The following DZIP3 variants were observed in gnomAD, a reference collection of about 807,000 sequenced individuals.
DZIP3 encodes the protein DAZ interacting zinc finger protein 3.
Under a neutral mutation model 162.0 loss-of-function variants are expected in DZIP3, and 118 were observed. That is an observed-to-expected ratio of 0.73 (90% CI 0.63 to 0.85). The LOEUF is 0.85. Ranked by LOEUF, DZIP3 falls within the 40% of genes least tolerant of loss-of-function variation. DZIP3 has a pLI of 0.00. For synonymous variants in DZIP3, 438 were observed against 458.6 expected, an observed-to-expected ratio of 0.96 and a Z score of 0.57; for missense variants, 1,331 against 1,407.0, an observed-to-expected ratio of 0.95 and a Z score of 0.86.
At chr3:108,676,421 T>A (rs1034329260) in intron 25 of DZIP3, among the ~76,000 whole-genome samples, 4 of 152,082 alleles carry the variant, frequency 2.6e-5, no homozygotes, top group African/African-American at 9.7e-5. Flanking sequence ...TCAATCTAAC[T>A]TTTTATGTAA....
At chr3:108,619,902 T>TA (rs60881465) in intron 5 of DZIP3, among the ~76,000 whole-genome samples, 23,397 of 142,394 alleles carry the variant, frequency 0.16, 2,130 homozygotes, top group Non-Finnish European at 0.23. Flanking sequence ...CAGAACATAT[T>TA]AAAAAAAAAA....
intron 4 of DZIP3, among the ~76,000 whole-genome samples, chr3:108,612,239 C>G (rs532706063): frequency 6.6e-6 from 1 of 152,112 alleles, no homozygotes; most frequent in African/African-American, 2.4e-5. Flanking sequence ...CTTGAGAAGG[C>G]TACATTTGTC....
At chr3:108,631,604 T>C (rs1429717653) in intron 8 of DZIP3, among the ~76,000 whole-genome samples, 1 of 143,718 alleles carries the variant, frequency 7.0e-6, no homozygotes, top group African/African-American at 2.6e-5. Context: ...TTTTTTTTTT[T>C]TAGTAAAGAC....
chr3:108,646,526 C>T, intron 14 of DZIP3, 91 bp from the exon 15 acceptor site: 1 of 876,764 alleles, frequency 1.1e-6, no homozygotes, highest in Admixed American at 2.1e-5. Context: ...TAAATTGGTG[C>T]AATATAAAAA....
At chr3:108,680,590 G>T (rs967150336) in intron 26 of DZIP3, among the ~76,000 whole-genome samples, 14 of 152,036 alleles carry the variant, frequency 9.2e-5, no homozygotes, top group African/African-American at 3.1e-4. Flanking sequence ...GGAGGAGAAA[G>T]ATCACTACAC....
Position 108,632,953 on chromosome 3 carries a change from G to A in DZIP3, c.697G>A (p.Asp233Asn). 1 of 1,379,170 alleles carries A rather than the reference G, an allele frequency of 7.3e-7. No individual in the cohort carries two copies. Among genetic ancestry groups the A allele is most frequent in the South Asian group, 1.6e-5 (1 of 61,474 alleles). 85.4% of individuals were successfully genotyped at this position (1,379,170 alleles called of 1,614,324 possible). A position where few individuals can be genotyped will look rare whatever the true frequency, so the allele number is the denominator to read the frequency against. Reference protein sequence around the residue: ...EDEDLPTTFKDLLNNFIKTTE... With the variant: ...EDEDLPTTFKNLLNNFIKTTE... ...AATTCTTTCTGTTTTTAAAATCTAGGATCTTCTTAATAATTTTATCAAGAC... is the reference window on the plus strand; with the variant it reads ...AATTCTTTCTGTTTTTAAAATCTAGAATCTTCTTAATAATTTTATCAAGAC... Residue 233 changes from aspartate to asparagine, a missense_variant and splice_region_variant, in exon 9 of 33, where the codon GAT becomes AAT. Asp to Asn is a conservative substitution (Grantham distance 23). Coordinates refer to ENST00000361582, the MANE Select transcript of DZIP3 (RefSeq NM_014648.4).
At chr3:108,598,812 C>T (rs1939840630) in intron 1 of DZIP3, among the ~76,000 whole-genome samples, 1 of 152,162 alleles carries the variant, frequency 6.6e-6, no homozygotes, top group African/African-American at 2.4e-5. Context: ...GTAGCATATG[C>T]TTCTTCCAGT....
rs1201996068 is a variant in DZIP3, at chr3:108,659,690, G to A, written c.2200-2187G>A. 8.6e-5 allele frequency among the ~76,000 whole-genome samples: 13 copies of A among 150,504 alleles called. 1 individual carries two copies. Among genetic ancestry groups the A allele is most frequent in the Admixed American group, 6.7e-4 (10 of 14,998 alleles). ...GGGTATTCAATTAGGAAAAGAGGAA[G>A]TCAAATTGTCCCTGTTTGCAGATGA... On this transcript the variant is annotated intron_variant, in intron 19 of 32. Transcript: ENST00000361582.
intron 1 of DZIP3, among the ~76,000 whole-genome samples, chr3:108,591,452 T>A (rs1288904681): frequency 6.6e-6 from 1 of 152,240 alleles, no homozygotes; most frequent in Admixed American, 6.5e-5. Flanking sequence ...CCCAGGGTAA[T>A]GCGCAAAGCT....
At chr3:108,648,183 C>A in intron 16 of DZIP3, 71 bp downstream of exon 16, 1 of 1,364,622 alleles carries the variant, frequency 7.3e-7, no homozygotes, top group Non-Finnish European at 9.8e-7. Context: ...ATGTGCTGTA[C>A]TTAAAGCATC....
chr3:108,680,391 A>T (rs1024041455), intron 26 of DZIP3, among the ~76,000 whole-genome samples: 1 of 152,102 alleles, frequency 6.6e-6, no homozygotes, highest in African/African-American at 2.4e-5. Context: ...ATATATAGAA[A>T]ATCGCAAAGA....
Position 108,682,945 on chromosome 3 carries a change from G to T in DZIP3, c.2884-1271G>T, listed in dbSNP as rs147696689. Among the ~76,000 whole-genome samples the T allele has an allele frequency of 3.5e-3, 535 of 150,814 alleles. 3 individuals carry two copies. The highest frequency in any genetic ancestry group is 0.01 in the Middle Eastern group (3 of 294). ...GTAATAGTGGTTCTCAAACAGAGCA[G>T]GACTGTTGACTCAGTACCCACCATT... On this transcript the variant is annotated intron_variant, in intron 26 of 32. Coordinates refer to ENST00000361582, the MANE Select transcript of DZIP3 (RefSeq NM_014648.4).
In DZIP3 at chr3:108,677,543, T is replaced by G; in HGVS notation, c.2828T>G (p.Leu943Trp). ...AACAAAGTCAAGCAAGGATTTGCCT[T>G]GAGTACCTTGCCTCCAGTCCAGCTT... ...QINKVKQGFA[L>W]STLPPVQLPP... Residue 943 changes from leucine to tryptophan, a missense_variant, in exon 26 of 33, where the codon TTG becomes TGG. By Grantham distance (61) the Leu-to-Trp change is moderately conservative (BLOSUM62 -2). Around this residue, in one of 2 missense-constraint regions of DZIP3, gnomAD observed 1,278 missense variants for 1,317.1 expected, o/e 0.97. Transcript: ENST00000361582. The G allele has an allele frequency of 6.2e-7, 1 of 1,612,800 alleles. No individual in the cohort carries two copies. The highest frequency in any genetic ancestry group is 8.5e-7 in the Non-Finnish European group (1 of 1,179,064).
intron 1 of DZIP3, among the ~76,000 whole-genome samples, chr3:108,602,179 G>A (rs1240531263): frequency 6.6e-6 from 1 of 152,096 alleles, no homozygotes; most frequent in Non-Finnish European, 1.5e-5. Flanking sequence ...CAAGTTAAAT[G>A]TTTAAGTGGA....
chr3:108,640,907 G>T (rs1942372568), intron 12 of DZIP3, among the ~76,000 whole-genome samples: 1 of 150,490 alleles, frequency 6.6e-6, no homozygotes, highest in Admixed American at 6.6e-5. Flanking sequence ...ATAGGTCTTT[G>T]TTGTTTTATA....
intron 3 of DZIP3, among the ~76,000 whole-genome samples, chr3:108,608,499 T>C (rs903451901): frequency 6.6e-6 from 1 of 152,122 alleles, no homozygotes; most frequent in Admixed American, 6.6e-5. Context: ...TATATACATA[T>C]AAAGAAAACA....
intron 12 of DZIP3, among the ~76,000 whole-genome samples, chr3:108,638,100 A>G (rs373339154): frequency 3.3e-5 from 5 of 152,176 alleles, no homozygotes; most frequent in African/African-American, 9.7e-5. Context: ...CATCTAAAGC[A>G]TCAGTTTTCC....
intron 8 of DZIP3, among the ~76,000 whole-genome samples, chr3:108,629,726 A>G (rs549648142): frequency 3.8e-4 from 57 of 151,790 alleles, no homozygotes; most frequent in South Asian, 1.5e-3. Flanking sequence ...AGTATTTTTT[A>G]TTTCTCAGTC....
chr3:108,673,978 A>G, intron 23 of DZIP3, 100 bp from the exon 24 acceptor site: 1 of 953,770 alleles, frequency 1.0e-6, no homozygotes, highest in South Asian at 1.4e-5. Context: ...ATTGGAAGAA[A>G]TTGAGAAATA....
Sources: gnomAD v4.1 joint callset for allele counts (sites outside exome capture counted in the v4.1 genomes callset) on GRCh38, gnomAD v4.1.1 for gene constraint, gnomAD v4.1.1 regional missense constraint, MANE v1.5 for transcripts, NCBI Gene and HGNC (gene_info 2026-07-23, HGNC 2026-07-21) for gene names.